The following OTUD7A variants were observed in gnomAD, a reference collection of about 807,000 sequenced individuals.
OTUD7A encodes the protein OTU domain-containing protein 7A.
A neutral mutation model predicts 65.7 loss-of-function variants in OTUD7A; 12 were observed. That is an observed-to-expected ratio of 0.18 (90% CI 0.12 to 0.30). The LOEUF is 0.30. OTUD7A is among the 10% of genes least tolerant of loss of function. OTUD7A has a pLI of 1.00. For missense variants in OTUD7A, 1,148 were observed against 1,304.8 expected (o/e 0.88, Z 1.85); for synonymous variants, 641 against 586.3 (o/e 1.09, Z -1.35).
intron 1 of OTUD7A, among the ~76,000 whole-genome samples, chr15:31,703,607 C>T (rs1207998396): frequency 6.6e-6 from 1 of 152,182 alleles, no homozygotes; most frequent in Non-Finnish European, 1.5e-5. Flanking sequence ...AAACAGATCA[C>T]TCACATGCTG....
intron 1 of OTUD7A, among the ~76,000 whole-genome samples, chr15:31,682,248 C>G (rs1046002930): frequency 1.3e-5 from 2 of 152,148 alleles, no homozygotes; most frequent in African/African-American, 4.8e-5. Flanking sequence ...CCAAAATTGA[C>G]CTAAATAGAG....
At chr15:31,796,276 T>C (rs559121119) in intron 1 of OTUD7A, among the ~76,000 whole-genome samples, 2 of 152,118 alleles carry the variant, frequency 1.3e-5, no homozygotes, top group South Asian at 4.1e-4. Context: ...ATTTAAGGAA[T>C]TGGCTCACAT....
chr15:31,805,466 T>C (rs542018814), intron 1 of OTUD7A, among the ~76,000 whole-genome samples: 3 of 152,326 alleles, frequency 2.0e-5, no homozygotes, highest in South Asian at 2.1e-4. Flanking sequence ...GAACCCTCTC[T>C]TCTATCCACC....
intron 1 of OTUD7A, among the ~76,000 whole-genome samples, chr15:31,670,321 T>G (rs184329516): frequency 1.7e-3 from 253 of 152,090 alleles, no homozygotes; most frequent in African/African-American, 4.7e-3. Context: ...GGGTCAAATG[T>G]TATTTCTGGT....
chr15:31,486,931 C>T (rs2041246079), intron 12 of OTUD7A, among the ~76,000 whole-genome samples: 1 of 152,216 alleles, frequency 6.6e-6, no homozygotes, highest in Admixed American at 6.5e-5. Context: ...TGCATGCACA[C>T]ATGCCTACAT....
chr15:31,767,740 C>T, intron 1 of OTUD7A: 1 of 713,300 alleles, frequency 1.4e-6, no homozygotes, highest in South Asian at 1.5e-5. Context: ...CGGCATTTTC[C>T]TGAGATAAAT....
At chr15:31,727,650 G>C (rs551518426) in intron 1 of OTUD7A, among the ~76,000 whole-genome samples, 72 of 152,202 alleles carry the variant, frequency 4.7e-4, no homozygotes, top group Non-Finnish European at 8.8e-4. Flanking sequence ...CTCAGCTTTG[G>C]CCTTTCCTCC....
intron 1 of OTUD7A, among the ~76,000 whole-genome samples, chr15:31,657,802 C>T (rs1224654210): frequency 6.6e-6 from 1 of 152,186 alleles, no homozygotes; most frequent in Non-Finnish European, 1.5e-5. Context: ...TGCTCCGTGC[C>T]ATCCTCCCAA....
chr15:31,527,126 C>G, intron 7 of OTUD7A, 55 bp downstream of exon 7: 1 of 1,608,290 alleles, frequency 6.2e-7, no homozygotes, highest in Non-Finnish European at 8.5e-7. Context: ...CGACCACGGC[C>G]CGAGGCTGCA....
intron 4 of OTUD7A, among the ~76,000 whole-genome samples, chr15:31,568,886 T>C (rs1163402457): frequency 5.9e-5 from 9 of 152,222 alleles, no homozygotes; most frequent in Non-Finnish European, 1.2e-4. Context: ...TTCTGCATGA[T>C]TGTAAGCTTC....
chr15:31,729,316 G>A (rs1893977888), intron 1 of OTUD7A, among the ~76,000 whole-genome samples: 1 of 152,108 alleles, frequency 6.6e-6, no homozygotes, highest in African/African-American at 2.4e-5. Flanking sequence ...GATACCCTGT[G>A]GATGAGCAAA....
intron 10 of OTUD7A, among the ~76,000 whole-genome samples, chr15:31,491,550 A>G (rs976368845): frequency 6.6e-6 from 1 of 152,218 alleles, no homozygotes; most frequent in Non-Finnish European, 1.5e-5. Flanking sequence ...GTGTAAATGA[A>G]ATCCCAGAAG....
At chr15:31,811,916 C>T (rs960250883) in intron 1 of OTUD7A, among the ~76,000 whole-genome samples, 2 of 152,160 alleles carry the variant, frequency 1.3e-5, no homozygotes, top group East Asian at 1.9e-4. Context: ...CTCTGCACAG[C>T]GGGAGGGGTC....
At chr15:31,676,526 T>G (rs1476800885) in intron 1 of OTUD7A, among the ~76,000 whole-genome samples, 3 of 152,236 alleles carry the variant, frequency 2.0e-5, no homozygotes, top group African/African-American at 7.2e-5. Flanking sequence ...CTAAGAGGTA[T>G]GCATAGAATC....
chr15:31,568,831 C>G (rs1942164446), intron 4 of OTUD7A, among the ~76,000 whole-genome samples: 1 of 152,220 alleles, frequency 6.6e-6, no homozygotes, highest in African/African-American at 2.4e-5. Flanking sequence ...CTCACTCTCT[C>G]CTGCTCCTAC....
chr15:31,825,620 A>G (rs1157125210), intron 1 of OTUD7A, among the ~76,000 whole-genome samples: 1 of 152,104 alleles, frequency 6.6e-6, no homozygotes, highest in Non-Finnish European at 1.5e-5. Flanking sequence ...TTCAAAACCA[A>G]TCATGCCTTC....
chr15:31,748,625 A>G (rs906883005), intron 1 of OTUD7A, among the ~76,000 whole-genome samples: 1 of 152,088 alleles, frequency 6.6e-6, no homozygotes, highest in Non-Finnish European at 1.5e-5. Context: ...TAATGATGGG[A>G]CTGTAAATTG....
rs369764213 is a variant in OTUD7A at position 31,623,412 on chromosome 15, C to A, written c.151+31684G>T. ...CCTCGTTGAGCTGCAGTGGGCTCCACCCAGTTTGAGCTTCCTGGCCGCTTT... is the reference window on the plus strand; with the variant it reads ...CCTCGTTGAGCTGCAGTGGGCTCCAACCAGTTTGAGCTTCCTGGCCGCTTT... On this transcript the variant is annotated intron_variant, in intron 3 of 12. Transcript: ENST00000307050. Among the ~76,000 whole-genome samples the A allele has an allele frequency of 9.8e-5, 15 of 152,360 alleles. No individual in the cohort carries two copies. In the East Asian group the frequency reaches 2.3e-3, roughly 23 times the overall value.
chr15:31,648,815 T>TA (rs1891752754), intron 3 of OTUD7A, among the ~76,000 whole-genome samples: 1 of 152,148 alleles, frequency 6.6e-6, no homozygotes, highest in African/African-American at 2.4e-5. Flanking sequence ...GGCTGGAGTG[T>TA]AATGGTGCGA....
Sources: gnomAD v4.1 joint callset for allele counts (sites outside exome capture counted in the v4.1 genomes callset) on GRCh38, gnomAD v4.1.1 for gene constraint, MANE v1.5 for transcripts, NCBI Gene and HGNC (gene_info 2026-07-23, HGNC 2026-07-21) for gene names.